Variants in FRYL observed in about 807,000 individuals in gnomAD.
FRYL encodes the protein protein furry homolog-like.
Under a neutral mutation model 351.2 loss-of-function variants are expected in FRYL, and 150 were observed. The observed-to-expected ratio is 0.43, with a 90% CI of 0.37 to 0.49. FRYL has a LOEUF of 0.49. Among genes scored for constraint, FRYL ranks in the 20% least tolerant of loss-of-function variants. The probability of loss-of-function intolerance (pLI) is 0.00; values close to 1 mark genes in which losing one functional copy is unlikely to be tolerated. For synonymous variants in FRYL, 1,153 were observed against 1,257.1 expected (o/e 0.92, Z 1.75); for missense variants, 3,036 against 3,619.3 (o/e 0.84, Z 4.13).
chr4:48,779,677 G>A (rs554077709), intron 1 of FRYL, among the ~76,000 whole-genome samples: 1 of 151,988 alleles, frequency 6.6e-6, no homozygotes, highest in African/African-American at 2.4e-5. Context: ...AGTCGGTGGC[G>A]AGGCGGCGCG....
At chr4:48,632,102 A>ATATATATATATGTG (rs1553957601) in intron 4 of FRYL, among the ~76,000 whole-genome samples, 3 of 36,774 alleles carry the variant, frequency 8.2e-5, no homozygotes, top group South Asian at 1.1e-3. Context: ...ATATATATAT[A>ATATATATATATGTG]TATATATATA....
chr4:48,737,410 TA>T (rs1177323854), intron 1 of FRYL, among the ~76,000 whole-genome samples: 1 of 152,130 alleles, frequency 6.6e-6, no homozygotes, highest in Non-Finnish European at 1.5e-5. Flanking sequence ...TTGAAAGCCA[TA>T]ATCTACCAAA....
chr4:48,505,261 G>A, intron 60 of FRYL: 1 of 367,658 alleles, frequency 2.7e-6, no homozygotes, highest in Non-Finnish European at 5.1e-6. Context: ...AGAGGCACAT[G>A]CAACTTAAAA....
Position 48,609,753 on chromosome 4 carries a change from T to G in FRYL, c.482A>C (p.His161Pro), listed in dbSNP as rs773928235. 3 of 1,553,184 alleles carry G rather than the reference T, an allele frequency of 1.9e-6. No homozygotes were observed. The highest frequency in any genetic ancestry group is 2.6e-6 in the Non-Finnish European group (3 of 1,134,702). ...TTAGTATTTTACTTACCCTTCCTTA[T>G]GTTTAAAGTGCTTAAAAGCTAAGTT... Reference protein sequence around the residue: ...VLNLAFKHFKHKEGYSGTNTG... With the variant: ...VLNLAFKHFKPKEGYSGTNTG... Residue 161 changes from histidine (H) to proline (P), a missense_variant, in exon 8 of 64, where the codon CAT (histidine) becomes CCT (proline). His to Pro is a moderately conservative substitution (Grantham distance 77). This residue lies in a region of FRYL where 457 missense variants were observed against 566.6 expected (regional missense o/e 0.81). Coordinates refer to ENST00000358350, the MANE Select transcript of FRYL (RefSeq NM_015030.2).
chr4:48,721,380 A>T (rs1287063739), intron 1 of FRYL, among the ~76,000 whole-genome samples: 2 of 150,342 alleles, frequency 1.3e-5, no homozygotes, highest in African/African-American at 4.9e-5. Flanking sequence ...AATGGTTGAG[A>T]TTGGCTGGGC....
At chr4:48,744,392 A>C (rs1331747320) in intron 1 of FRYL, among the ~76,000 whole-genome samples, 2 of 152,196 alleles carry the variant, frequency 1.3e-5, no homozygotes, top group Non-Finnish European at 2.9e-5. Flanking sequence ...AGCCTGTGAA[A>C]CTAACAGGCA....
chr4:48,678,473 C>T (rs1764098470), intron 3 of FRYL, among the ~76,000 whole-genome samples: 1 of 135,058 alleles, frequency 7.4e-6, no homozygotes, highest in Admixed American at 8.4e-5. Context: ...CGCGCCCCTG[C>T]ACTCCAGCCT....
intron 1 of FRYL, among the ~76,000 whole-genome samples, chr4:48,721,700 C>T (rs182382070): frequency 3.9e-5 from 6 of 152,196 alleles, no homozygotes; most frequent in South Asian, 2.1e-4. Context: ...AGTGCTGTGG[C>T]GCGATCATGG....
At chr4:48,514,285 CT>C (rs1365872664) in intron 56 of FRYL, among the ~76,000 whole-genome samples, 2 of 151,902 alleles carry the variant, frequency 1.3e-5, no homozygotes, top group African/African-American at 4.8e-5. Context: ...AGTTAGATAC[CT>C]TTATAAAAAA....
At chr4:48,710,387 G>T (rs1276733674) in intron 2 of FRYL, 132 bp downstream of exon 2, 9 of 391,614 alleles carry the variant, frequency 2.3e-5, no homozygotes, top group Non-Finnish European at 4.0e-5. Context: ...AAAATGTTTT[G>T]AGGTCTTGAA....
chr4:48,582,657 T>A lies in FRYL; in HGVS notation c.1826A>T (p.Asp609Val), dbSNP rs374301516. The A allele has an allele frequency of 5.6e-6, 9 of 1,613,940 alleles. No individual in the cohort carries two copies. In the African/African-American group the frequency reaches 1.2e-4, roughly 22 times the overall value. ...TLQALMLDFP[D>V]WREDVLSGFV... ...TCCTGAAAGAACATCCTCCCGCCAA[T>A]CTGGAAAATCAAGCATTAGTGCCTG... The change falls in exon 20 of 64, where the codon GAT becomes GTT. Residue 609 changes from aspartate (D) to valine (V), a missense_variant. Transcript: ENST00000358350.
intron 1 of FRYL, among the ~76,000 whole-genome samples, chr4:48,755,827 C>T (rs1773713011): frequency 1.3e-5 from 2 of 152,062 alleles, no homozygotes; most frequent in South Asian, 2.1e-4. Context: ...AAGGAACTAT[C>T]TCATGCATTC....
rs774373299 is a variant in FRYL at position 48,567,413 on chromosome 4, C to T, written c.3004G>A (p.Gly1002Ser). 8.8e-6 allele frequency: 14 copies of T among 1,594,170 alleles called. No individual in the cohort carries two copies. The Admixed American group carries it at 1.1e-4, about 12-fold the overall frequency. ...DAGVISHSAS[G>S]GLDNETHFLN... Reference sequence around the variant, plus strand: ...AAATGTGTTTCATTATCAAGGCCACCACTTGCACTGAAAATATTGAAGAAA... The same window carrying T: ...AAATGTGTTTCATTATCAAGGCCACTACTTGCACTGAAAATATTGAAGAAA... Residue 1002 changes from glycine to serine, a missense_variant, in exon 28 of 64, where the codon GGT becomes AGT. By Grantham distance (56) the Gly-to-Ser change is moderately conservative. Around this residue, in one of 7 missense-constraint regions of FRYL, gnomAD observed 492 missense variants for 551.5 expected, o/e 0.89. Transcript: ENST00000358350. The surrounding 1 kb of genome is among the most constrained non-coding windows in gnomAD (Gnocchi z 4.2).
rs1460938599 is a variant in FRYL at position 48,505,516 on chromosome 4, T to C, written c.8463+31A>G. On this transcript the variant is annotated intron_variant, in intron 60 of 63. Coordinates refer to ENST00000358350, the MANE Select transcript of FRYL (RefSeq NM_015030.2). ...ATTGTTTTACCTGATACAGAAAATGTATGTTGCAAAAACAGGAACAAGAAA... is the reference window on the plus strand; with the variant it reads ...ATTGTTTTACCTGATACAGAAAATGCATGTTGCAAAAACAGGAACAAGAAA... 5 of 1,323,366 alleles carry C rather than the reference T, an allele frequency of 3.8e-6. No individual in the cohort carries two copies. In the African/African-American group the frequency reaches 7.3e-5, roughly 19 times the overall value. The allele number at this position is 1,323,366 out of a possible 1,614,324, so 82.0% of individuals were successfully genotyped here. A position where few individuals can be genotyped will look rare whatever the true frequency, so the allele number is the denominator to read the frequency against.
At chr4:48,551,047 C>G (rs139074787) in intron 37 of FRYL, among the ~76,000 whole-genome samples, 1 of 150,038 alleles carries the variant, frequency 6.7e-6, no homozygotes, top group South Asian at 2.1e-4. Flanking sequence ...AGTCTGGCAA[C>G]AGAGCGAGAC....
In FRYL at chr4:48,631,667, A is replaced by G. The variant is rs112073884; in HGVS notation, c.120+2624T>C. On this transcript the variant is annotated intron_variant, in intron 4 of 63. Transcript: ENST00000358350. ...AAGCAATTAACTATAACGTGATATC[A>G]TCATAATCTAGAAGTATGTACAAAT... 7.5e-3 allele frequency among the ~76,000 whole-genome samples: 1,146 copies of G among 152,244 alleles called. 13 individuals carry two copies. The highest frequency in any genetic ancestry group is 0.026 in the African/African-American group (1,064 of 41,532).
intron 3 of FRYL, among the ~76,000 whole-genome samples, chr4:48,658,837 C>T (rs971102565): frequency 3.2e-5 from 4 of 123,114 alleles, no homozygotes; most frequent in African/African-American, 1.3e-4. Flanking sequence ...ATTACCACCA[C>T]ACATGAAATA....
chr4:48,768,459 C>T (rs551542678), intron 1 of FRYL, among the ~76,000 whole-genome samples: 4 of 152,156 alleles, frequency 2.6e-5, no homozygotes, highest in South Asian at 2.1e-4. Flanking sequence ...AAAACAGAGG[C>T]GAAAATCTTC....
Position 48,540,958 on chromosome 4 carries a change from G to C in FRYL, c.5690C>G (p.Thr1897Ser). Residue 1897 changes from threonine to serine, a missense_variant and splice_region_variant, in exon 46 of 64, where the codon ACC becomes AGC. Physicochemically the swap from Thr to Ser is moderately conservative, Grantham distance 58. Around this residue, in one of 7 missense-constraint regions of FRYL, gnomAD observed 1,987 missense variants for 2,311.7 expected, o/e 0.86. Transcript: ENST00000358350. ...TCCCATTATAGGATCATGATATGAGGTTCTTAAAAAAAAGAAAGAATAGAT... is the reference window on the plus strand; with the variant it reads ...TCCCATTATAGGATCATGATATGAGCTTCTTAAAAAAAAGAAAGAATAGAT... ...HYDLLSALSQ[T>S]SYHDPIMGNK... is the part of the protein sequence containing the mutation. 1 of 1,544,780 alleles carries C rather than the reference G, an allele frequency of 6.5e-7. No homozygotes were observed. Among genetic ancestry groups the C allele is most frequent in the Non-Finnish European group, 8.7e-7 (1 of 1,145,096 alleles).
Sources: gnomAD v4.1 joint callset for allele counts (sites outside exome capture counted in the v4.1 genomes callset) on GRCh38, gnomAD v4.1.1 for gene constraint, gnomAD v4.1.1 regional missense constraint, Gnocchi (gnomAD v3.1) non-coding constraint, MANE v1.5 for transcripts, NCBI Gene and HGNC (gene_info 2026-07-23, HGNC 2026-07-21) for gene names.